The following GRIK2 variants were observed in gnomAD, a reference collection of about 807,000 sequenced individuals.
The protein encoded by GRIK2 is glutamate ionotropic receptor kainate type subunit 2, also known as glutamate receptor ionotropic, kainate 2.
GRIK2 carries 32 observed loss-of-function variants against 100.3 expected under a neutral mutation model. The ratio of observed to expected loss-of-function variants is 0.32; its 90% CI spans 0.24 to 0.43. The LOEUF is 0.43. Ranked by LOEUF, GRIK2 falls within the 20% of genes least tolerant of loss-of-function variation. The pLI, the probability that GRIK2 is intolerant of heterozygous loss-of-function variation, is 1.00. For missense variants in GRIK2, 843 were observed against 1,114.9 expected, an observed-to-expected ratio of 0.76 and a Z score of 3.47; for synonymous variants, 417 against 389.4, an observed-to-expected ratio of 1.07 and a Z score of -0.83.
chr6:101,936,237 A>C (rs865886611), intron 14 of GRIK2, among the ~76,000 whole-genome samples: 9 of 152,012 alleles, frequency 5.9e-5, no homozygotes, highest in African/African-American at 1.9e-4. Context: ...TTTTTCTAGA[A>C]GTCTGGAAGA....
In GRIK2 at chr6:101,750,530, C is replaced by T. The variant is rs373597059; in HGVS notation, c.952-49118C>T. On this transcript the variant is annotated intron_variant, in intron 7 of 16. Transcript: ENST00000369134. ...CTCAGTGGCATAGCTAGTATTTCTTCCATGGCTAGCTGATTAATGGCAGAC... is the reference window on the plus strand; with the variant it reads ...CTCAGTGGCATAGCTAGTATTTCTTTCATGGCTAGCTGATTAATGGCAGAC... 5.9e-5 allele frequency among the ~76,000 whole-genome samples: 9 copies of T among 152,300 alleles called. No homozygotes were observed. In the East Asian group the frequency reaches 1.4e-3, roughly 23 times the overall value.
chr6:101,960,720 T>G (rs1792245099), intron 14 of GRIK2, among the ~76,000 whole-genome samples: 1 of 152,182 alleles, frequency 6.6e-6, no homozygotes, highest in African/African-American at 2.4e-5. Context: ...TCTGTGGGAC[T>G]GAGGTTATGG....
At chr6:101,980,170 C>A (rs1793629645) in intron 14 of GRIK2, among the ~76,000 whole-genome samples, 1 of 151,950 alleles carries the variant, frequency 6.6e-6, no homozygotes. Context: ...CCTGTTATAT[C>A]CCATACCCTC....
In GRIK2 at chr6:101,649,092, GAC is replaced by G. The variant is rs558514036; in HGVS notation, c.541+22459_541+22460del. ...AATTCAAGGTGAGAATATGGGTGGG[GAC>G]ACAGCCAAACCATATCACTAAATGT... On this transcript the variant is annotated intron_variant, in intron 4 of 16. Transcript: ENST00000369134. Among the ~76,000 whole-genome samples, 284 of 152,148 alleles carry G rather than the reference GAC, an allele frequency of 1.9e-3. 2 individuals carry two copies. Among genetic ancestry groups the G allele is most frequent in the African/African-American group, 6.7e-3 (279 of 41,538 alleles).
chr6:102,045,069 C>T (rs1051707083), intron 15 of GRIK2, among the ~76,000 whole-genome samples: 1 of 151,930 alleles, frequency 6.6e-6, no homozygotes, highest in African/African-American at 2.4e-5. Context: ...AATTTTTACC[C>T]ATACTGTCTC....
intron 10 of GRIK2, among the ~76,000 whole-genome samples, chr6:101,821,659 A>T (rs1030521398): frequency 6.6e-6 from 1 of 152,152 alleles, no homozygotes; most frequent in Admixed American, 6.6e-5. Context: ...TTAGTTAAAA[A>T]AAAATTCCTT....
chr6:101,911,973 T>A (rs1202292722), intron 12 of GRIK2, among the ~76,000 whole-genome samples: 1 of 150,798 alleles, frequency 6.6e-6, no homozygotes, highest in Non-Finnish European at 1.5e-5. Context: ...AAGTAAGGAT[T>A]TATTTTCAAA....
intron 7 of GRIK2, among the ~76,000 whole-genome samples, chr6:101,778,815 T>C (rs2128400895): frequency 6.6e-6 from 1 of 152,288 alleles, no homozygotes; most frequent in East Asian, 1.9e-4. Flanking sequence ...TTGAAGCACC[T>C]ATTTTAGACC....
intron 9 of GRIK2, among the ~76,000 whole-genome samples, chr6:101,816,772 C>A (rs1457538973): frequency 6.6e-6 from 1 of 152,008 alleles, no homozygotes; most frequent in African/African-American, 2.4e-5. Flanking sequence ...AGTTTTGACA[C>A]CCCTCCATCC....
chr6:101,844,398 A>G (rs1783687218), intron 10 of GRIK2, among the ~76,000 whole-genome samples: 2 of 152,210 alleles, frequency 1.3e-5, no homozygotes, highest in Admixed American at 1.3e-4. Flanking sequence ...TGTGTAATAC[A>G]GTTGAATAAT....
intron 7 of GRIK2, among the ~76,000 whole-genome samples, chr6:101,778,223 AAG>A (rs1332345164): frequency 6.6e-6 from 1 of 152,180 alleles, no homozygotes; most frequent in Admixed American, 6.5e-5. Context: ...AAAAGGAAGA[AAG>A]AAGATACAAA....
intron 2 of GRIK2, among the ~76,000 whole-genome samples, chr6:101,611,293 C>T (rs1779664829): frequency 6.6e-6 from 1 of 151,848 alleles, no homozygotes; most frequent in Non-Finnish European, 1.5e-5. Flanking sequence ...ACTTCTCACT[C>T]ATATTCTTTA....
chr6:101,494,765 T>G (rs1773336238), intron 2 of GRIK2, among the ~76,000 whole-genome samples: 1 of 151,004 alleles, frequency 6.6e-6, no homozygotes, highest in African/African-American at 2.4e-5. Flanking sequence ...ACCCTGTCGC[T>G]ACTAAAAATA....
intron 10 of GRIK2, among the ~76,000 whole-genome samples, chr6:101,847,933 T>C (rs1477390350): frequency 3.3e-5 from 5 of 152,086 alleles, no homozygotes; most frequent in Non-Finnish European, 7.4e-5. Context: ...GTAATATATT[T>C]GCCTTTAAAT....
At chr6:101,857,547 G>T (rs1044444234) in intron 10 of GRIK2, among the ~76,000 whole-genome samples, 6 of 152,210 alleles carry the variant, frequency 3.9e-5, no homozygotes, top group Non-Finnish European at 7.3e-5. Flanking sequence ...TGGGATGACT[G>T]TTGTTCTCCA....
chr6:101,800,880 T>C (rs987443616), intron 8 of GRIK2, among the ~76,000 whole-genome samples: 4 of 151,998 alleles, frequency 2.6e-5, no homozygotes, highest in African/African-American at 9.7e-5. Context: ...AAAGAAGCAG[T>C]TGTATGACAT....
chr6:101,444,602 AT>A (rs1460834353), intron 2 of GRIK2, among the ~76,000 whole-genome samples: 2 of 152,026 alleles, frequency 1.3e-5, no homozygotes, highest in Non-Finnish European at 2.9e-5. Flanking sequence ...CCTTAATTGC[AT>A]TTTCTTATAG....
chr6:101,845,922 C>T (rs1783781560), intron 10 of GRIK2, among the ~76,000 whole-genome samples: 1 of 151,988 alleles, frequency 6.6e-6, no homozygotes, highest in South Asian at 2.1e-4. Context: ...TGATGTTGAG[C>T]ATGTTTCTGT....
At chr6:101,793,531 G>A (rs576281217) in intron 7 of GRIK2, among the ~76,000 whole-genome samples, 1 of 152,102 alleles carries the variant, frequency 6.6e-6, no homozygotes. Flanking sequence ...AGATTTTCTT[G>A]TACCGCGAAT....
Sources: allele counts gnomAD v4.1 joint callset (sites outside exome capture counted in the v4.1 genomes callset), GRCh38; gene constraint gnomAD v4.1.1; transcripts MANE v1.5; gene names NCBI Gene and HGNC (gene_info 2026-07-23, HGNC 2026-07-21).